MYO7B: variants seen among roughly 807,000 people sequenced by gnomAD.
MYO7B encodes the protein myosin VIIB.
Under a neutral mutation model 259.7 loss-of-function variants are expected in MYO7B, and 212 were observed. The observed-to-expected ratio is 0.82, with a 90% CI of 0.73 to 0.91. The LOEUF is 0.91. MYO7B is among the 40% of genes least tolerant of loss of function. MYO7B has a pLI of 0.00. For synonymous variants in MYO7B, 1,197 were observed against 1,166.4 expected (o/e 1.03, Z -0.54); for missense variants, 2,732 against 2,813.5 (o/e 0.97, Z 0.66).
intron 10 of MYO7B, 54 bp from the exon 11 acceptor site, chr2:127,581,837 G>A (rs1435134626): frequency 6.2e-7 from 1 of 1,607,850 alleles, no homozygotes; most frequent in African/African-American, 1.3e-5. Flanking sequence ...AGGTCAGAGT[G>A]CTGGGCCAGG....
chr2:127,564,656 G>A (rs1260954953), intron 3 of MYO7B, among the ~76,000 whole-genome samples: 1 of 152,242 alleles, frequency 6.6e-6, no homozygotes, highest in East Asian at 1.9e-4. Flanking sequence ...AGGGGTCAGG[G>A]CCAGCTAGGT....
chr2:127,606,703 A>G (rs1042276717), intron 20 of MYO7B, among the ~76,000 whole-genome samples: 35 of 152,370 alleles, frequency 2.3e-4, no homozygotes, highest in African/African-American at 7.9e-4. Flanking sequence ...TAGGAAGCCC[A>G]GGGACTGCTG....
At position 127,615,524 on chromosome 2, in the gene MYO7B, A is replaced by G. The variant is rs1033710813; in HGVS notation, c.3398+2921A>G. Among the ~76,000 whole-genome samples, 4 of 152,122 alleles carry G rather than the reference A, an allele frequency of 2.6e-5. No individual in the cohort carries two copies. Among genetic ancestry groups the G allele is most frequent in the Non-Finnish European group, 4.4e-5 (3 of 68,030 alleles). ...GTAGAATGAGCAGGGAGGAGGAGGTAACGATTGGTCAGCTGCTTAATTGAT... is the reference window on the plus strand; with the variant it reads ...GTAGAATGAGCAGGGAGGAGGAGGTGACGATTGGTCAGCTGCTTAATTGAT... On this transcript the variant is annotated intron_variant, in intron 26 of 47. Transcript: ENST00000409816. This position sits in a 1 kb window ranked among gnomAD's most constrained non-coding sequence, Gnocchi z 4.4.
chr2:127,596,416 T>A, intron 18 of MYO7B, 46 bp from the exon 19 acceptor site: 1 of 1,463,870 alleles, frequency 6.8e-7, no homozygotes, highest in Non-Finnish European at 9.5e-7. Flanking sequence ...GCAGGGGCTG[T>A]AGGGTGAGGG....
intron 1 of MYO7B, among the ~76,000 whole-genome samples, chr2:127,542,375 C>T (rs530643903): frequency 1.5e-3 from 222 of 152,222 alleles, no homozygotes; most frequent in Non-Finnish European, 2.8e-3. Flanking sequence ...GCTGCCGCCA[C>T]TTTCAGCTCT....
intron 1 of MYO7B, among the ~76,000 whole-genome samples, chr2:127,548,841 G>T (rs1268046402): frequency 6.6e-6 from 1 of 152,108 alleles, no homozygotes; most frequent in Non-Finnish European, 1.5e-5. Context: ...GGACTTACCT[G>T]ACCCATGTGT....
At chr2:127,593,233 C>T (rs4662743) in intron 17 of MYO7B, among the ~76,000 whole-genome samples, 93,053 of 152,196 alleles carry the variant, frequency 0.61, 30,871 homozygotes, top group African/African-American at 0.87. Context: ...TCTCCTACCG[C>T]GTCAGGGAGC....
At chr2:127,549,953 C>T (rs949089130) in intron 1 of MYO7B, among the ~76,000 whole-genome samples, 1 of 152,190 alleles carries the variant, frequency 6.6e-6, no homozygotes, top group African/African-American at 2.4e-5. Context: ...TCCTTCCCTC[C>T]ACATCTGCCA....
chr2:127,589,590 G>C (rs1209659862), intron 15 of MYO7B, among the ~76,000 whole-genome samples: 1 of 146,270 alleles, frequency 6.8e-6, no homozygotes, highest in Non-Finnish European at 1.5e-5. Context: ...TGGATGGATG[G>C]GTGAGTGGGT....
chr2:127,622,105 G>T lies in MYO7B; in HGVS notation c.3645+4G>T, dbSNP rs1680866744. 1 of 1,548,320 alleles carries T rather than the reference G, an allele frequency of 6.5e-7. No individual in the cohort carries two copies. Among genetic ancestry groups the T allele is most frequent in the East Asian group, 2.5e-5 (1 of 40,810 alleles). On this transcript the variant is annotated splice_donor_region_variant and intron_variant, in intron 28 of 47. Transcript: ENST00000409816. ...CCCCACCTGGCTGGAGCTGCAGGTA[G>T]GGGCTGGCAGGGGTGAGAGCGGGCA...
intron 1 of MYO7B, among the ~76,000 whole-genome samples, chr2:127,544,013 T>G (rs993391229): frequency 3.3e-5 from 5 of 152,080 alleles, no homozygotes; most frequent in Non-Finnish European, 7.4e-5. Context: ...CCTCGTGATC[T>G]GCCTGCCTCG....
At chr2:127,583,449 C>T (rs962766422) in intron 12 of MYO7B, among the ~76,000 whole-genome samples, 1 of 152,176 alleles carries the variant, frequency 6.6e-6, no homozygotes, top group African/African-American at 2.4e-5. Flanking sequence ...CTCTCTAAGG[C>T]ATAGAGAGCT....
chr2:127,629,518 T>C (rs879852209), intron 34 of MYO7B, 127 bp from the exon 35 acceptor site: 28 of 904,206 alleles, frequency 3.1e-5, no homozygotes, highest in South Asian at 7.0e-5. Flanking sequence ...TCGCTCACTC[T>C]TGGAGTGGTC....
Position 127,620,563 on chromosome 2 carries a change from G to A in MYO7B, c.3525+97G>A, listed in dbSNP as rs556112408. ...GGAGCAGGTCCACAGATTCCAGTAC[G>A]TGGCCCATTTCTCCTGCTCCTGCAG... On this transcript the variant is annotated intron_variant, in intron 27 of 47. Transcript: ENST00000409816. 285 of 1,327,004 alleles carry A rather than the reference G, an allele frequency of 2.1e-4. 1 individual carries two copies. In the African/African-American group the frequency reaches 2.9e-3, roughly 13 times the overall value. The allele number at this position is 1,327,004 out of a possible 1,614,324, so 82.2% of individuals were successfully genotyped here. A position where few individuals can be genotyped will look rare whatever the true frequency, so the allele number is the denominator to read the frequency against.
At chr2:127,580,971 G>A in intron 10 of MYO7B, 149 bp downstream of exon 10, 1 of 793,196 alleles carries the variant, frequency 1.3e-6, no homozygotes, top group Admixed American at 2.5e-5. Context: ...TCTGTATACT[G>A]CAGGTGCCTG....
Position 127,630,912 on chromosome 2 carries a change from C to T in MYO7B, c.4937+4C>T, listed in dbSNP as rs764419152. The T allele has an allele frequency of 1.9e-6, 3 of 1,561,732 alleles. No homozygotes were observed. Among genetic ancestry groups the T allele is most frequent in the Admixed American group, 1.9e-5 (1 of 52,104 alleles). On this transcript the variant is annotated splice_donor_region_variant and intron_variant, in intron 36 of 47. Coordinates refer to ENST00000409816, the MANE Select transcript of MYO7B (RefSeq NM_001393586.1). Reference sequence around the variant, plus strand: ...AGTTCTCCTATGAGTTCTTCAGGTGCCCCCCAGCCCCGCTCCGCCTCATTG... The same window carrying T: ...AGTTCTCCTATGAGTTCTTCAGGTGTCCCCCAGCCCCGCTCCGCCTCATTG...
At chr2:127,554,345 A>G (rs1263667816) in intron 1 of MYO7B, among the ~76,000 whole-genome samples, 2 of 152,252 alleles carry the variant, frequency 1.3e-5, no homozygotes, top group African/African-American at 2.4e-5. Context: ...AAGTACTGGG[A>G]TTACAGGCAT....
rs1465567759 is a variant in MYO7B, at chr2:127,597,090, G to A, written c.2339+534G>A. On this transcript the variant is annotated intron_variant, in intron 19 of 47. Coordinates refer to ENST00000409816, the MANE Select transcript of MYO7B (RefSeq NM_001393586.1). This position sits in a 1 kb window ranked among gnomAD's most constrained non-coding sequence, Gnocchi z 4.8. Reference sequence around the variant, plus strand: ...CAGCCCCGGGAATAGAGAATGAGGGGACAGAGAGCAGGGCAGGGAGCAGGG... The same window carrying A: ...CAGCCCCGGGAATAGAGAATGAGGGAACAGAGAGCAGGGCAGGGAGCAGGG... 6.6e-6 allele frequency among the ~76,000 whole-genome samples: 1 copy of A among 152,196 alleles called. No individual in the cohort carries two copies. Among genetic ancestry groups the A allele is most frequent in the Non-Finnish European group, 1.5e-5 (1 of 68,038 alleles).
intron 1 of MYO7B, among the ~76,000 whole-genome samples, chr2:127,552,187 C>T (rs759636646): frequency 5.9e-5 from 9 of 152,112 alleles, no homozygotes; most frequent in Non-Finnish European, 1.0e-4. Flanking sequence ...TTTTAATTGA[C>T]GCATAATAAT....
Sources: gnomAD v4.1 joint callset for allele counts (sites outside exome capture counted in the v4.1 genomes callset) on GRCh38, gnomAD v4.1.1 for gene constraint, Gnocchi (gnomAD v3.1) non-coding constraint, MANE v1.5 for transcripts, NCBI Gene and HGNC (gene_info 2026-07-23, HGNC 2026-07-21) for gene names.